RAB11A: variants seen among roughly 807,000 people sequenced by gnomAD.
The protein encoded by RAB11A is ras-related protein Rab-11A.
A neutral mutation model predicts 28.0 loss-of-function variants in RAB11A; 9 were observed. The ratio of observed to expected loss-of-function variants is 0.32; its 90% CI spans 0.19 to 0.56. The LOEUF (loss-of-function observed/expected upper bound fraction) is 0.56, where lower values mean the gene tolerates loss of function less well. Ranked by LOEUF, RAB11A falls within the 20% of genes least tolerant of loss-of-function variation. The pLI is 0.91. For missense variants in RAB11A, 108 were observed against 269.6 expected (o/e 0.40, Z 4.20); for synonymous variants, 85 against 88.2 (o/e 0.96, Z 0.20).
intron 4 of RAB11A, among the ~76,000 whole-genome samples, chr15:65,881,376 G>A (rs1241534942): frequency 2.6e-5 from 4 of 152,084 alleles, no homozygotes; most frequent in Admixed American, 6.5e-5. Flanking sequence ...TCTACTCCCC[G>A]TTTAACTAAA....
chr15:65,891,586 G>A lies in RAB11A; in HGVS notation c.*3746G>A, dbSNP rs1045655917. On this transcript the variant is annotated 3_prime_UTR_variant, in exon 5 of 5. Transcript: ENST00000261890. ...AAACTCTGGGGATTCATCCCAATTC[G>A]AACTCTGTAATTCTCTGAATGAACT... The A allele has an allele frequency of 3.9e-5, 6 of 152,058 alleles. No homozygotes were observed. Among genetic ancestry groups the A allele is most frequent in the Non-Finnish European group, 8.8e-5 (6 of 67,984 alleles). The allele number at this position is 152,058 out of a possible 1,614,324, so 9.4% of individuals were successfully genotyped here. A position where few individuals can be genotyped will look rare whatever the true frequency, so the allele number is the denominator to read the frequency against.
At chr15:65,874,323 A>T (rs575453427) in intron 1 of RAB11A, among the ~76,000 whole-genome samples, 3 of 150,652 alleles carry the variant, frequency 2.0e-5, no homozygotes, top group African/African-American at 7.3e-5. Context: ...GCTTACTGCA[A>T]CCTCCGCCTC....
chr15:65,879,037 A>G (rs1325367233), intron 3 of RAB11A, among the ~76,000 whole-genome samples: 1 of 140,498 alleles, frequency 7.1e-6, no homozygotes, highest in African/African-American at 2.7e-5. Context: ...TCTGTGACCC[A>G]TTCTGGAGTG....
Position 65,891,828 on chromosome 15 carries a change from C to G in RAB11A, c.*3988C>G, listed in dbSNP as rs983296654. On this transcript the variant is annotated 3_prime_UTR_variant, in exon 5 of 5. Coordinates refer to ENST00000261890, the MANE Select transcript of RAB11A (RefSeq NM_004663.5). The stretch of plus-strand genomic sequence containing the variant: ...GACTGTCAATATCAACAATATGCAT[C>G]AAAGTACCATATATGCTAAGGGAGA... 18 of 152,032 alleles carry G rather than the reference C, an allele frequency of 1.2e-4. 1 individual carries two copies. Among genetic ancestry groups the G allele is most frequent in the Admixed American group, 1.2e-3 (18 of 15,252 alleles). 9.4% of individuals were successfully genotyped at this position (152,032 alleles called of 1,614,324 possible).
intron 4 of RAB11A, among the ~76,000 whole-genome samples, chr15:65,885,158 G>A (rs920426276): frequency 4.4e-5 from 6 of 136,310 alleles, no homozygotes; most frequent in African/African-American, 8.2e-5. Context: ...TTTTGAGACA[G>A]TGTGCTCTGT....
At chr15:65,870,600 G>A (rs991126131) in intron 1 of RAB11A, among the ~76,000 whole-genome samples, 1 of 152,330 alleles carries the variant, frequency 6.6e-6, no homozygotes, top group East Asian at 1.9e-4. Context: ...AAGGTTGTGC[G>A]CTGCACAAAT....
chr15:65,873,553 CTA>C (rs376022036), intron 1 of RAB11A, among the ~76,000 whole-genome samples: 2 of 150,556 alleles, frequency 1.3e-5, no homozygotes. Context: ...ATATCTATAT[CTA>C]TATATATATA....
At position 65,891,567 on chromosome 15, in the gene RAB11A, T is replaced by TG. The variant is rs1226548192; in HGVS notation, c.*3731dup. ...TGAGGGTACCAGATTAAATAAACTC[T>TG]GGGGATTCATCCCAATTCGAACTCT... On this transcript the variant is annotated 3_prime_UTR_variant, in exon 5 of 5. Transcript: ENST00000261890. The TG allele has an allele frequency of 6.6e-6, 1 of 152,182 alleles. No individual in the cohort carries two copies. Among genetic ancestry groups the TG allele is most frequent in the African/African-American group, 2.4e-5 (1 of 41,448 alleles). The allele number at this position is 152,182 out of a possible 1,614,324, so 9.4% of individuals were successfully genotyped here. A position where few individuals can be genotyped will look rare whatever the true frequency, so the allele number is the denominator to read the frequency against.
chr15:65,876,164 C>T (rs1596784338), intron 1 of RAB11A, among the ~76,000 whole-genome samples: 1 of 152,180 alleles, frequency 6.6e-6, no homozygotes, highest in African/African-American at 2.4e-5. Context: ...AAAGAATCTC[C>T]ATGTATCTAG....
rs546986742 is a variant in RAB11A, at chr15:65,878,657, G to A, written c.430+702G>A. On this transcript the variant is annotated intron_variant, in intron 3 of 4. Transcript: ENST00000261890. ...AGCGCCACTGCAGTCCGGCCTGGGC[G>A]AAAGAGCGAGACTCCGTCCCAAAAA... Among the ~76,000 whole-genome samples the A allele has an allele frequency of 3.9e-5, 6 of 152,304 alleles. No individual in the cohort carries two copies. In the South Asian group the frequency reaches 1.2e-3, roughly 32 times the overall value.
intron 1 of RAB11A, among the ~76,000 whole-genome samples, chr15:65,871,339 A>G (rs1214505370): frequency 6.6e-6 from 1 of 152,218 alleles, no homozygotes; most frequent in Non-Finnish European, 1.5e-5. Flanking sequence ...TCATTTTACA[A>G]ATACAAAACT....
chr15:65,884,028 C>G (rs1250623203), intron 4 of RAB11A, among the ~76,000 whole-genome samples: 2 of 151,768 alleles, frequency 1.3e-5, no homozygotes, highest in Non-Finnish European at 2.9e-5. Context: ...TTCTTAGATT[C>G]TTTTGTGGGG....
intron 3 of RAB11A, among the ~76,000 whole-genome samples, chr15:65,879,234 ACTC>A (rs754186351): frequency 1.2e-4 from 18 of 151,546 alleles, no homozygotes; most frequent in Non-Finnish European, 1.9e-4. Flanking sequence ...CTGGTCTTGA[ACTC>A]CTGGGCTCAA....
rs372602014 is a variant in RAB11A at position 65,879,702 on chromosome 15, G to A, written c.462G>A (p.Ser154=). The A allele has an allele frequency of 1.1e-4, 169 of 1,598,572 alleles. No individual in the cohort carries two copies. Among genetic ancestry groups the A allele is most frequent in the Non-Finnish European group, 1.3e-4 (156 of 1,167,836 alleles). The change falls in exon 4 of 5, where the codon TCG becomes TCA. Residue 154 remains serine, a synonymous_variant. Transcript: ENST00000261890. Reference sequence around the variant, plus strand: ...ATGGTTTGTCATTCATTGAAACTTCGGCCCTAGACTCTACAAATGTAGAAG... The same window carrying A: ...ATGGTTTGTCATTCATTGAAACTTCAGCCCTAGACTCTACAAATGTAGAAG... ...EKNGLSFIET[S]ALDSTNVEAA...
In RAB11A at chr15:65,891,980, C is replaced by T. The variant is rs2078301001; in HGVS notation, c.*4140C>T. On this transcript the variant is annotated 3_prime_UTR_variant, in exon 5 of 5. Coordinates refer to ENST00000261890, the MANE Select transcript of RAB11A (RefSeq NM_004663.5). ...AAATATACTCATGTCTGGGAGAGAA[C>T]TTTTAAAAACATTTTGTGTTTAATT... The T allele has an allele frequency of 6.6e-6, 1 of 151,968 alleles. No homozygotes were observed. Among genetic ancestry groups the T allele is most frequent in the African/African-American group, 2.4e-5 (1 of 41,364 alleles). 9.4% of individuals were successfully genotyped at this position (151,968 alleles called of 1,614,324 possible).
intron 4 of RAB11A, 129 bp from the exon 5 acceptor site, chr15:65,887,572 A>C: frequency 1.2e-6 from 1 of 859,494 alleles, no homozygotes; most frequent in Non-Finnish European, 1.6e-6. Flanking sequence ...AAAACTTTAA[A>C]TTTATGTATT....
chr15:65,879,304 G>A (rs1247497290), intron 3 of RAB11A, among the ~76,000 whole-genome samples: 1 of 152,106 alleles, frequency 6.6e-6, no homozygotes, highest in Non-Finnish European at 1.5e-5. Context: ...GAGCCACCAT[G>A]CCCAGCTCTC....
chr15:65,883,877 C>A (rs1299688279), intron 4 of RAB11A, among the ~76,000 whole-genome samples: 2 of 151,648 alleles, frequency 1.3e-5, no homozygotes, highest in Non-Finnish European at 2.9e-5. Context: ...CAGAAAATTT[C>A]CATAAAAAAA....
intron 4 of RAB11A, among the ~76,000 whole-genome samples, chr15:65,887,177 CTTT>C (rs35164022): frequency 6.4e-5 from 9 of 141,316 alleles, no homozygotes; most frequent in Admixed American, 3.5e-4. Flanking sequence ...TGGCTTACCT[CTTT>C]TTTTTTTTTT....
Sources: gnomAD v4.1 joint callset for allele counts (sites outside exome capture counted in the v4.1 genomes callset) on GRCh38, gnomAD v4.1.1 for gene constraint, MANE v1.5 for transcripts, NCBI Gene and HGNC (gene_info 2026-07-23, HGNC 2026-07-21) for gene names.